UHRF1: variants seen among roughly 807,000 people sequenced by gnomAD.
UHRF1 encodes ubiquitin like with PHD and ring finger domains 1, also known as E3 ubiquitin-protein ligase UHRF1.
In UHRF1, 9 loss-of-function variants were observed where a neutral mutation model predicts 96.5. That is an observed-to-expected ratio of 0.09 (90% CI 0.06 to 0.16). UHRF1 has a LOEUF of 0.16. UHRF1 is among the 10% of genes least tolerant of loss of function. The pLI, the probability that UHRF1 is intolerant of heterozygous loss-of-function variation, is 1.00. For missense variants in UHRF1, 626 were observed against 1,131.1 expected, an observed-to-expected ratio of 0.55 and a Z score of 6.40; for synonymous variants, 455 against 469.9, an observed-to-expected ratio of 0.97 and a Z score of 0.41.
chr19:4,933,018 G>C lies in UHRF1; in HGVS notation c.785+62G>C, dbSNP rs896189480. 4.2e-4 allele frequency: 633 copies of C among 1,505,652 alleles called. 1 individual carries two copies. Among genetic ancestry groups the C allele is most frequent in the Admixed American group, 1.9e-4 (9 of 48,148 alleles). 93.3% of individuals were successfully genotyped at this position (1,505,652 alleles called of 1,614,324 possible). On this transcript the variant is annotated intron_variant, in intron 5 of 16. Transcript: ENST00000650932. ...CCTTTCCTCCCCTCCCGGGGCCCCC[G>C]GACTGGCTTTGAAGCCGTCCAGCCA...
chr19:4,945,336 G>A (rs549929353), intron 9 of UHRF1, among the ~76,000 whole-genome samples: 88 of 152,214 alleles, frequency 5.8e-4, no homozygotes, highest in South Asian at 1.0e-3. Context: ...TTGGCTCACT[G>A]CAACCTCCCT....
In UHRF1 at chr19:4,932,894, G is replaced by A. The variant is rs769707191; in HGVS notation, c.723G>A (p.Ala241=). The part of the protein sequence containing the change: ...NPKERGFWYD[A]EISRKRETRT... ...AGGAGCGGGGCTTCTGGTACGACGC[G>A]GAGATCTCCAGGAAGCGCGAGACCA... The change falls in exon 5 of 17, where the codon GCG becomes GCA. Residue 241 remains alanine (A), a synonymous_variant. Coordinates refer to ENST00000650932, the MANE Select transcript of UHRF1 (RefSeq NM_001048201.3). 1.9e-6 allele frequency: 3 copies of A among 1,613,784 alleles called. No individual in the cohort carries two copies. The highest frequency in any genetic ancestry group is 2.2e-5 in the South Asian group (2 of 91,082).
chr19:4,903,092 T>A, exon 1 of UHRF1: 1 of 438,094 alleles, frequency 2.3e-6, no homozygotes, highest in East Asian at 4.1e-5. Context: ...AGGGGTGCCA[T>A]CTTGGCTCAC....
chr19:4,949,909 G>A (rs12977104), intron 11 of UHRF1, among the ~76,000 whole-genome samples: 29,964 of 151,668 alleles, frequency 0.2, 3,060 homozygotes, highest in African/African-American at 0.23. Flanking sequence ...TCCCTCTCTT[G>A]TCCAGGGTGG....
intron 9 of UHRF1, 141 bp downstream of exon 9, chr19:4,944,591 C>T: frequency 1.1e-6 from 1 of 886,756 alleles, no homozygotes; most frequent in South Asian, 1.6e-5. Context: ...GTGTGGAAAG[C>T]CTGCAGGTTT....
chr19:4,938,679 G>T (rs991557568), intron 5 of UHRF1, among the ~76,000 whole-genome samples: 1 of 148,024 alleles, frequency 6.8e-6, no homozygotes, highest in Non-Finnish European at 1.5e-5. Flanking sequence ...AAAGTGCTGG[G>T]ACTACAGGCA....
At chr19:4,945,562 A>AC (rs1175727394) in intron 9 of UHRF1, among the ~76,000 whole-genome samples, 6 of 149,038 alleles carry the variant, frequency 4.0e-5, no homozygotes, top group African/African-American at 1.2e-4. Flanking sequence ...CCTGGCCGTC[A>AC]CCCCCCATTT....
chr19:4,921,657 C>G (rs560943521), intron 2 of UHRF1, among the ~76,000 whole-genome samples: 1 of 149,930 alleles, frequency 6.7e-6, no homozygotes, highest in Non-Finnish European at 1.5e-5. Flanking sequence ...TTGGAGGGGC[C>G]GAGGCGGGAG....
intron 2 of UHRF1, among the ~76,000 whole-genome samples, chr19:4,923,801 GC>G (rs2146314755): frequency 6.6e-6 from 1 of 152,324 alleles, no homozygotes; most frequent in African/African-American, 2.4e-5. Context: ...GCCCAGGAAG[GC>G]CCCACCCCAG....
At position 4,947,245 on chromosome 19, in the gene UHRF1, A is replaced by G. The variant is rs201350936; in HGVS notation, c.1517+34A>G. On this transcript the variant is annotated intron_variant, in intron 11 of 16. Transcript: ENST00000650932. The stretch of plus-strand genomic sequence containing the variant: ...AATCAGCCTTCTTATTTCCTTGCTG[A>G]TGCATATCTGCCGAGTCTTGGTTCT... 939 of 1,582,646 alleles carry G rather than the reference A, an allele frequency of 5.9e-4. 2 individuals carry two copies. The highest frequency in any genetic ancestry group is 7.7e-4 in the Non-Finnish European group (883 of 1,151,636).
intron 15 of UHRF1, 124 bp from the exon 16 acceptor site, chr19:4,956,585 G>A (rs895249681): frequency 1.3e-5 from 9 of 680,712 alleles, no homozygotes; most frequent in South Asian, 1.0e-4. Context: ...CATGGCCCCC[G>A]CCTCCTGGAG....
intron 7 of UHRF1, among the ~76,000 whole-genome samples, chr19:4,942,253 C>G (rs1372525312): frequency 6.6e-6 from 1 of 151,778 alleles, no homozygotes; most frequent in African/African-American, 2.4e-5. Flanking sequence ...TGCAGTGGCG[C>G]GATCTCAGCT....
rs563574776 is a variant in UHRF1 at position 4,954,633 on chromosome 19, G to C, written c.1958-17G>C. On this transcript the variant is annotated splice_polypyrimidine_tract_variant and intron_variant, in intron 14 of 16. Coordinates refer to ENST00000650932, the MANE Select transcript of UHRF1 (RefSeq NM_001048201.3). The surrounding 1 kb of genome is among the most constrained non-coding windows in gnomAD (Gnocchi z 5.9). ...CGGGCCACGCGCCCCTCCCTCACGC[G>C]CCCCACCCTCTTCCAGGAGGTGGCC... 1 of 1,610,560 alleles carries C rather than the reference G, an allele frequency of 6.2e-7. No individual in the cohort carries two copies. The highest frequency in any genetic ancestry group is 8.5e-7 in the Non-Finnish European group (1 of 1,178,428).
intron 7 of UHRF1, among the ~76,000 whole-genome samples, chr19:4,943,422 T>C (rs1294346725): frequency 6.6e-6 from 1 of 151,684 alleles, no homozygotes; most frequent in African/African-American, 2.4e-5. Context: ...GAGGTTGTGA[T>C]GTGCTAGGCT....
chr19:4,913,557 G>A (rs539179708), intron 2 of UHRF1, among the ~76,000 whole-genome samples: 48 of 151,952 alleles, frequency 3.2e-4, no homozygotes, highest in African/African-American at 1.1e-3. Flanking sequence ...ACCCAGCCAC[G>A]TACATTGTGC....
intron 5 of UHRF1, among the ~76,000 whole-genome samples, chr19:4,936,559 C>T (rs187829766): frequency 5.9e-5 from 9 of 152,300 alleles, no homozygotes; most frequent in African/African-American, 2.2e-4. Flanking sequence ...AAGCCCTCTA[C>T]ACTGGTGTCT....
chr19:4,930,595 C>T lies in UHRF1; in HGVS notation c.409-121C>T, dbSNP rs916781281. ...GTTCCCAGCCAGGGAGGAGAAACCT[C>T]GCTGTGGGCATTCGAGTTTGCGCCC... On this transcript the variant is annotated intron_variant, in intron 3 of 16. Coordinates refer to ENST00000650932, the MANE Select transcript of UHRF1 (RefSeq NM_001048201.3). The surrounding 1 kb of genome is among the most constrained non-coding windows in gnomAD (Gnocchi z 4.4). The T allele has an allele frequency of 4.6e-5, 58 of 1,262,060 alleles. No homozygotes were observed. The highest frequency in any genetic ancestry group is 2.9e-4 in the Admixed American group (13 of 45,400). 78.2% of individuals were successfully genotyped at this position (1,262,060 alleles called of 1,614,324 possible).
At chr19:4,919,942 C>T (rs375450389) in intron 2 of UHRF1, among the ~76,000 whole-genome samples, 53 of 152,042 alleles carry the variant, frequency 3.5e-4, no homozygotes, top group African/African-American at 1.1e-3. Flanking sequence ...CTCAGCCTCC[C>T]GAGTAGCTGG....
intron 2 of UHRF1, among the ~76,000 whole-genome samples, chr19:4,916,640 G>A (rs1477962236): frequency 6.6e-5 from 10 of 152,214 alleles, no homozygotes; most frequent in African/African-American, 1.7e-4. Flanking sequence ...CGCCGTCCAC[G>A]CCACCGCCGC....
Sources: gnomAD v4.1 joint callset for allele counts (sites outside exome capture counted in the v4.1 genomes callset) on GRCh38, gnomAD v4.1.1 for gene constraint, Gnocchi (gnomAD v3.1) non-coding constraint, MANE v1.5 for transcripts, NCBI Gene and HGNC (gene_info 2026-07-23, HGNC 2026-07-21) for gene names.